Variants in ADCY5 observed in about 807,000 individuals in gnomAD.
ADCY5 encodes the protein adenylate cyclase 5.
ADCY5 carries 30 observed loss-of-function variants against 119.7 expected under a neutral mutation model. The observed-to-expected ratio is 0.25, with a 90% CI of 0.19 to 0.34. The LOEUF (loss-of-function observed/expected upper bound fraction) is 0.34. Among genes scored for constraint, ADCY5 ranks in the 10% least tolerant of loss-of-function variants. The pLI is 1.00. For synonymous variants in ADCY5, 753 were observed against 762.2 expected, an observed-to-expected ratio of 0.99 and a Z score of 0.20; for missense variants, 1,324 against 1,775.2, an observed-to-expected ratio of 0.75 and a Z score of 4.57.
intron 1 of ADCY5, among the ~76,000 whole-genome samples, chr3:123,406,688 C>G (rs1046278217): frequency 2.0e-5 from 3 of 152,150 alleles, no homozygotes; most frequent in African/African-American, 7.2e-5. Context: ...CAAATAATGG[C>G]TTAATGAGCA....
chr3:123,375,810 C>T (rs930920619), intron 1 of ADCY5, among the ~76,000 whole-genome samples: 3 of 152,158 alleles, frequency 2.0e-5, no homozygotes, highest in South Asian at 4.1e-4. Flanking sequence ...CCACGAGGGC[C>T]TCATTTAGCC....
intron 1 of ADCY5, among the ~76,000 whole-genome samples, chr3:123,394,809 T>G (rs1021473919): frequency 2.0e-5 from 3 of 152,170 alleles, no homozygotes; most frequent in Admixed American, 6.5e-5. Flanking sequence ...GATAATTAAC[T>G]AATGCAATGG....
chr3:123,364,841 T>C (rs1943377712), intron 1 of ADCY5, among the ~76,000 whole-genome samples: 1 of 152,186 alleles, frequency 6.6e-6, no homozygotes, highest in South Asian at 2.1e-4. Context: ...TTCTTTTACT[T>C]CCTTTTTAAA....
At position 123,291,271 on chromosome 3, in the gene ADCY5, G is replaced by A. The variant is rs764692395; in HGVS notation, c.3169C>T (p.Arg1057Trp). The change falls in exon 18 of 21, where the codon CGG becomes TGG. Residue 1057 changes from arginine (R) to tryptophan (W), a missense_variant. Transcript: ENST00000462833. ...DVAAHFLARE[R>W]RNDELYYQSC... ...TGATAGTAGAGCTCATCATTGCGCC[G>A]CTCGCGGGCCAGGAAGTGAGCGGCC... The A allele has an allele frequency of 3.7e-6, 6 of 1,613,980 alleles. No individual in the cohort carries two copies. The highest frequency in any genetic ancestry group is 1.1e-5 in the South Asian group (1 of 91,080).
rs1384915568 is a variant in ADCY5, at chr3:123,286,849, G to A, written c.3533-40C>T. 4 of 1,544,704 alleles carry A rather than the reference G, an allele frequency of 2.6e-6. No individual in the cohort carries two copies. In the South Asian group the frequency reaches 5.0e-5, roughly 19 times the overall value. ...AATCAGCCACAGTCATCACATCTCT[G>A]GCTTGACCTTGCCACCATCTGTCTC... On this transcript the variant is annotated intron_variant, in intron 19 of 20. Coordinates refer to ENST00000462833, the MANE Select transcript of ADCY5 (RefSeq NM_183357.3). This position sits in a 1 kb window ranked among gnomAD's most constrained non-coding sequence, Gnocchi z 4.2.
In ADCY5 at chr3:123,396,822, G is replaced by GAGAGAGAGAGAGAGAC. The variant is rs1298203180; in HGVS notation, c.1135-44242_1135-44241insGTCTCTCTCTCTCTCT. On this transcript the variant is annotated intron_variant, in intron 1 of 20. Transcript: ENST00000462833. Reference sequence around the variant, plus strand: ...GGCAGGCAGGCAGGCAGGCAGGCGAGAGAGAGAGAGAGAGAGAGAGACAGA... The same window carrying GAGAGAGAGAGAGAGAC: ...GGCAGGCAGGCAGGCAGGCAGGCGAGAGAGAGAGAGAGAGACAGAGAGAGAGAGAGAGAGAGACAGA... 7.9e-3 allele frequency among the ~76,000 whole-genome samples: 1,112 copies of GAGAGAGAGAGAGAGAC among 140,754 alleles called. 48 individuals carry two copies. The highest frequency in any genetic ancestry group is 0.029 in the African/African-American group (1,034 of 35,824). 92.3% of individuals were successfully genotyped at this position (140,754 alleles called of 152,430 possible). A position where few individuals can be genotyped will look rare whatever the true frequency, so the allele number is the denominator to read the frequency against.
Position 123,283,708 on chromosome 3 carries a change from C to T in ADCY5, c.*900G>A, listed in dbSNP as rs1559771985. On this transcript the variant is annotated 3_prime_UTR_variant, in exon 21 of 21. Coordinates refer to ENST00000462833, the MANE Select transcript of ADCY5 (RefSeq NM_183357.3). ...TACATACACCGACATACACACAGTACAAATGAGCACACCCGCCCTGCTGTG... is the reference window on the plus strand; with the variant it reads ...TACATACACCGACATACACACAGTATAAATGAGCACACCCGCCCTGCTGTG... The T allele has an allele frequency of 6.6e-6, 1 of 152,162 alleles. No individual in the cohort carries two copies. The highest frequency in any genetic ancestry group is 2.4e-5 in the African/African-American group (1 of 41,426). 9.4% of individuals were successfully genotyped at this position (152,162 alleles called of 1,614,324 possible).
At position 123,356,238 on chromosome 3, in the gene ADCY5, G is replaced by A. The variant is rs1943033123; in HGVS notation, c.1135-3657C>T. ...GATAAATCTTTATAACCTTGGATTA[G>A]GCAATAATTTCTTATATATCACACC... On this transcript the variant is annotated intron_variant, in intron 1 of 20. Coordinates refer to ENST00000462833, the MANE Select transcript of ADCY5 (RefSeq NM_183357.3). 7.2e-5 allele frequency among the ~76,000 whole-genome samples: 11 copies of A among 152,142 alleles called. No homozygotes were observed. The South Asian group carries it at 1.7e-3, about 23-fold the overall frequency.
In ADCY5 at chr3:123,447,511, C is replaced by A; in HGVS notation, c.1035G>T (p.Val345=). The change falls in exon 1 of 21, where the codon GTG becomes GTT. Residue 345 remains valine (V), a synonymous_variant. Transcript: ENST00000462833. The part of the protein sequence containing the change: ...FIYTIYTLLP[V]RMRAAVLSGV... ...CGCTGAGCACTGCGGCCCGCATGCG[C>A]ACGGGCAGCAGCGTGTAGATGGTGT... is the stretch of plus-strand genomic sequence containing the variant. 6.2e-7 allele frequency: 1 copy of A among 1,611,582 alleles called. No individual in the cohort carries two copies.
rs868284103 is a variant in ADCY5 at position 123,382,015 on chromosome 3, C to T, written c.1135-29434G>A. Reference sequence around the variant, plus strand: ...CGCGGTCTACCTCCCTCCCTTACCTCGCTGACCTCATCTCCTGGGGCCCCC... The same window carrying T: ...CGCGGTCTACCTCCCTCCCTTACCTTGCTGACCTCATCTCCTGGGGCCCCC... On this transcript the variant is annotated intron_variant, in intron 1 of 20. Transcript: ENST00000462833. 3.7e-4 allele frequency among the ~76,000 whole-genome samples: 55 copies of T among 150,500 alleles called. 1 individual carries two copies. The highest frequency in any genetic ancestry group is 3.2e-3 in the Middle Eastern group (1 of 310).
chr3:123,291,105 C>T lies in ADCY5; in HGVS notation c.3327+8G>A, dbSNP rs1395280438. On this transcript the variant is annotated splice_region_variant and intron_variant, in intron 18 of 20. Transcript: ENST00000462833. ...GGAACACAGCCTGACCCAGGCCCCG[C>T]TGTGCACCTCATCAAAGTCAGCGAT... 1.2e-6 allele frequency: 2 copies of T among 1,608,396 alleles called. No individual in the cohort carries two copies. The highest frequency in any genetic ancestry group is 1.7e-6 in the Non-Finnish European group (2 of 1,176,600).
At chr3:123,321,011 C>G (rs555920203) in intron 8 of ADCY5, among the ~76,000 whole-genome samples, 1 of 152,306 alleles carries the variant, frequency 6.6e-6, no homozygotes, top group South Asian at 2.1e-4. Context: ...TTCACTTCAT[C>G]CACCGGCACA....
chr3:123,445,094 G>A (rs1427983635), intron 1 of ADCY5, among the ~76,000 whole-genome samples: 1 of 152,176 alleles, frequency 6.6e-6, no homozygotes, highest in East Asian at 1.9e-4. Flanking sequence ...GCATTCCCTT[G>A]TCTTGAACCA....
At chr3:123,372,259 G>A (rs1166976563) in intron 1 of ADCY5, among the ~76,000 whole-genome samples, 6 of 151,978 alleles carry the variant, frequency 3.9e-5, no homozygotes, top group African/African-American at 1.5e-4. Context: ...CCCAGCCCCA[G>A]GGACCCCCTC....
At chr3:123,422,433 T>C (rs935267073) in intron 1 of ADCY5, among the ~76,000 whole-genome samples, 2 of 152,150 alleles carry the variant, frequency 1.3e-5, no homozygotes, top group East Asian at 1.9e-4. Context: ...GTGGAGTGGA[T>C]AGCAATAGCT....
chr3:123,326,862 C>T (rs1365950937), intron 7 of ADCY5, among the ~76,000 whole-genome samples: 1 of 152,230 alleles, frequency 6.6e-6, no homozygotes, highest in Non-Finnish European at 1.5e-5. Flanking sequence ...ATCACCTTTG[C>T]TGTCATCCAA....
At position 123,448,859 on chromosome 3, in the gene ADCY5, T is replaced by G; in HGVS notation, c.-314A>C. The G allele has an allele frequency of 1.2e-4, 29 of 249,804 alleles. No homozygotes were observed. The highest frequency in any genetic ancestry group is 2.8e-4 in the East Asian group (4 of 14,322). The allele number at this position is 249,804 out of a possible 1,614,324, so 15.5% of individuals were successfully genotyped here. A position where few individuals can be genotyped will look rare whatever the true frequency, so the allele number is the denominator to read the frequency against. On this transcript the variant is annotated 5_prime_UTR_variant, in exon 1 of 21. Transcript: ENST00000462833. ...GCACGCGGAGAGACGTCCGGGATCC[T>G]GGCTCGCGTCGAGCTCGACGAGGGC... is the stretch of plus-strand genomic sequence containing the variant.
In ADCY5 at chr3:123,284,844, CAGA is replaced by C. The variant is rs1035349952; in HGVS notation, c.3658-111_3658-109del. On this transcript the variant is annotated intron_variant, in intron 20 of 20. Transcript: ENST00000462833. ...CCCAGCCCTGTTGCCGCCCCTGACA[CAGA>C]AGGAGAGGGGCAGCTGCCCCACTGA... is the stretch of plus-strand genomic sequence containing the variant. The C allele has an allele frequency of 2.7e-5, 40 of 1,464,816 alleles. No individual in the cohort carries two copies. The African/African-American group carries it at 3.8e-4, about 14-fold the overall frequency. The allele number at this position is 1,464,816 out of a possible 1,614,324, so 90.7% of individuals were successfully genotyped here. A position where few individuals can be genotyped will look rare whatever the true frequency, so the allele number is the denominator to read the frequency against.
chr3:123,296,178 G>A lies in ADCY5; in HGVS notation c.2969C>T (p.Thr990Met), dbSNP rs145908478. 1.5e-5 allele frequency: 25 copies of A among 1,613,812 alleles called. No homozygotes were observed. Among genetic ancestry groups the A allele is most frequent in the South Asian group, 7.7e-5 (7 of 91,076 alleles). ...CACAAAGACTGAGATGATGATGGGCGTCACCACCTTCAATGCCACCTTGGT... is the reference window on the plus strand; with the variant it reads ...CACAAAGACTGAGATGATGATGGGCATCACCACCTTCAATGCCACCTTGGT... The part of the protein sequence containing the change: ...HATKVALKVV[T>M]PIIISVFVLA... Residue 990 changes from threonine (T) to methionine (M), a missense_variant, in exon 17 of 21, where the codon ACG becomes ATG. Physicochemically the swap from Thr to Met is moderately conservative, Grantham distance 81. Coordinates refer to ENST00000462833, the MANE Select transcript of ADCY5 (RefSeq NM_183357.3).
Sources: gnomAD v4.1 joint callset for allele counts (sites outside exome capture counted in the v4.1 genomes callset) on GRCh38, gnomAD v4.1.1 for gene constraint, Gnocchi (gnomAD v3.1) non-coding constraint, MANE v1.5 for transcripts, NCBI Gene and HGNC (gene_info 2026-07-23, HGNC 2026-07-21) for gene names.